Variants in BIRC6 observed in about 807,000 individuals in gnomAD.
BIRC6 encodes the protein dual E2 ubiquitin-conjugating enzyme/E3 ubiquitin-protein ligase BIRC6.
BIRC6 carries 98 observed loss-of-function variants against 503.3 expected under a neutral mutation model. The ratio of observed to expected loss-of-function variants is 0.19; its 90% CI spans 0.17 to 0.23. BIRC6 has a LOEUF of 0.23. BIRC6 is among the 10% of genes least tolerant of loss of function. The pLI is 1.00. For synonymous variants in BIRC6, 2,240 were observed against 2,078.7 expected (o/e 1.08, Z -2.11); for missense variants, 5,360 against 5,806.0 (o/e 0.92, Z 2.50).
chr2:32,488,030 A>G (rs1402613775), intron 41 of BIRC6, among the ~76,000 whole-genome samples: 1 of 43,690 alleles, frequency 2.3e-5, no homozygotes, highest in Non-Finnish European at 4.3e-5. Context: ...CCTACTACAC[A>G]TACACACAGC....
chr2:32,468,625 C>T lies in BIRC6; in HGVS notation c.5969C>T (p.Ala1990Val). Residue 1990 changes from alanine (A) to valine (V), a missense_variant, in exon 29 of 74, where the codon GCA becomes GTA. By Grantham distance (64) the Ala-to-Val change is moderately conservative. Transcript: ENST00000421745. The part of the protein sequence containing the change: ...LQLQLNLAHN[A>V]VQRLKVALGA... ...CTTCAACTAAATTTGGCTCATAATG[C>T]AGTGCAGAGGCTCAAAGTGGCGCTA... 1 of 1,614,004 alleles carries T rather than the reference C, an allele frequency of 6.2e-7. No homozygotes were observed. Among genetic ancestry groups the T allele is most frequent in the Non-Finnish European group, 8.5e-7 (1 of 1,179,876 alleles).
intron 41 of BIRC6, among the ~76,000 whole-genome samples, chr2:32,488,042 G>A (rs1437021747): frequency 0.018 from 2 of 110 alleles, no homozygotes; most frequent in African/African-American, 0.056. Flanking sequence ...ACACACAGCT[G>A]TGATTAGAGA....
chr2:32,357,092 A>T lies in BIRC6; in HGVS notation c.-70A>T, dbSNP rs1345717254. 16 of 1,319,918 alleles carry T rather than the reference A, an allele frequency of 1.2e-5. No individual in the cohort carries two copies. Among genetic ancestry groups the T allele is most frequent in the South Asian group, 1.6e-5 (1 of 63,772 alleles). The allele number at this position is 1,319,918 out of a possible 1,614,324, so 81.8% of individuals were successfully genotyped here. On this transcript the variant is annotated 5_prime_UTR_variant, in exon 1 of 74. Transcript: ENST00000421745. The surrounding 1 kb of genome is among the most constrained non-coding windows in gnomAD (Gnocchi z 4.9). Reference sequence around the variant, plus strand: ...TTTGGCCCCTCCGGCCGGGCGATCGACGTTCCGCGTGCGTGCGGGCGCCTG... The same window carrying T: ...TTTGGCCCCTCCGGCCGGGCGATCGTCGTTCCGCGTGCGTGCGGGCGCCTG...
chr2:32,615,697 C>T (rs990446217), intron 73 of BIRC6, among the ~76,000 whole-genome samples: 8 of 152,130 alleles, frequency 5.3e-5, no homozygotes, highest in African/African-American at 1.4e-4. Context: ...CAGTGCTGTG[C>T]GATCTCAGCT....
At chr2:32,523,229 T>A in intron 57 of BIRC6, 1 of 152,102 alleles carries the variant, frequency 6.6e-6, no homozygotes, top group Middle Eastern at 3.2e-3. Context: ...TATTAAAAAA[T>A]AAAAAAGTAA....
intron 54 of BIRC6, among the ~76,000 whole-genome samples, chr2:32,514,416 C>T (rs114431621): frequency 1.2e-3 from 176 of 152,286 alleles, no homozygotes; most frequent in African/African-American, 4.0e-3. Context: ...ATTTCTTCAC[C>T]ATATTTAGCT....
Position 32,414,864 on chromosome 2 carries a change from G to T in BIRC6, c.1573G>T (p.Ala525Ser). ...QPEKLQWEIV[A>S]NVLEDTVKDL... ...AGAAAAACTTCAGTGGGAGATTGTT[G>T]CAAATGTGCTTGAAGATACTGTTAA... The change falls in exon 10 of 74, where the codon GCA becomes TCA. Residue 525 changes from alanine to serine, a missense_variant. Transcript: ENST00000421745. 6.2e-7 allele frequency: 1 copy of T among 1,613,936 alleles called. No homozygotes were observed. Among genetic ancestry groups the T allele is most frequent in the South Asian group, 1.1e-5 (1 of 91,076 alleles).
chr2:32,387,259 C>A (rs2038599172), intron 3 of BIRC6, among the ~76,000 whole-genome samples: 1 of 149,458 alleles, frequency 6.7e-6, no homozygotes, highest in Non-Finnish European at 1.5e-5. Context: ...AAGCTCTGAT[C>A]TGTGAACAGA....
chr2:32,491,331 G>GA, intron 43 of BIRC6, 94 bp from the exon 44 acceptor site: 1 of 1,248,146 alleles, frequency 8.0e-7, no homozygotes, highest in South Asian at 1.7e-5. Flanking sequence ...AGGAATGTAT[G>GA]AATTTTCCTT....
At chr2:32,482,686 G>A (rs754147492) in intron 39 of BIRC6, 104 bp downstream of exon 39, 64 of 1,253,614 alleles carry the variant, frequency 5.1e-5, no homozygotes, top group Non-Finnish European at 6.9e-5. Context: ...GTATGCCAGT[G>A]GGTTTAGTAT....
intron 62 of BIRC6, 148 bp downstream of exon 62, chr2:32,543,689 A>T (rs2057842557): frequency 2.7e-6 from 2 of 741,700 alleles, no homozygotes; most frequent in Non-Finnish European, 4.3e-6. Context: ...AGTATTAGTT[A>T]TACATAATAA....
intron 23 of BIRC6, among the ~76,000 whole-genome samples, chr2:32,455,977 T>C (rs2047216867): frequency 6.6e-6 from 1 of 152,200 alleles, no homozygotes; most frequent in South Asian, 2.1e-4. Flanking sequence ...AACATGTTAA[T>C]ATTAATATAA....
chr2:32,447,570 C>T (rs2046182214), intron 21 of BIRC6, among the ~76,000 whole-genome samples: 5 of 111,988 alleles, frequency 4.5e-5, no homozygotes, highest in Admixed American at 1.6e-4. Flanking sequence ...AGGCGCCCCT[C>T]ACCTCCCGGA....
chr2:32,392,967 T>C (rs1558604493), intron 5 of BIRC6, among the ~76,000 whole-genome samples: 2 of 152,048 alleles, frequency 1.3e-5, no homozygotes, highest in Admixed American at 6.6e-5. Flanking sequence ...AATCAACAAA[T>C]AGTATTCTTC....
At chr2:32,482,702 C>T (rs2050546615) in intron 39 of BIRC6, 120 bp downstream of exon 39, 1 of 1,035,512 alleles carries the variant, frequency 9.7e-7, no homozygotes, top group South Asian at 1.6e-5. Flanking sequence ...AGTATCACAG[C>T]TGTGCCGTGA....
At chr2:32,498,777 G>C (rs981331486) in intron 45 of BIRC6, among the ~76,000 whole-genome samples, 1 of 151,948 alleles carries the variant, frequency 6.6e-6, no homozygotes, top group African/African-American at 2.4e-5. Context: ...GTAGAGATGG[G>C]GTTTCGCCAT....
chr2:32,545,599 T>C (rs1262893826), intron 62 of BIRC6, 44 bp from the exon 63 acceptor site: 1 of 1,503,854 alleles, frequency 6.6e-7, no homozygotes, highest in East Asian at 2.3e-5. Context: ...CTTATGTGTT[T>C]TTAACTGTTT....
At chr2:32,377,256 C>T (rs1222946281) in intron 1 of BIRC6, among the ~76,000 whole-genome samples, 16 of 144,404 alleles carry the variant, frequency 1.1e-4, no homozygotes, top group Non-Finnish European at 3.0e-5. Flanking sequence ...TGTGTATACA[C>T]ATCATATTTT....
In BIRC6 at chr2:32,503,182, A is replaced by G; in HGVS notation, c.9445A>G (p.Ile3149Val). ...TGTTGACAGCACATTGAAAACAAGA[A>G]TACTAGCTTCTGAGCCTGACAATGC... ...KAVDSTLKTR[I>V]LASEPDNAEG... Residue 3149 changes from isoleucine to valine, a missense_variant, in exon 49 of 74, where the codon ATA becomes GTA. Physicochemically the swap from Ile to Val is conservative, Grantham distance 29. Transcript: ENST00000421745. 6.2e-7 allele frequency: 1 copy of G among 1,613,270 alleles called. No homozygotes were observed. The highest frequency in any genetic ancestry group is 1.1e-5 in the South Asian group (1 of 90,910).
Sources: gnomAD v4.1 joint callset for allele counts (sites outside exome capture counted in the v4.1 genomes callset) on GRCh38, gnomAD v4.1.1 for gene constraint, Gnocchi (gnomAD v3.1) non-coding constraint, MANE v1.5 for transcripts, NCBI Gene and HGNC (gene_info 2026-07-23, HGNC 2026-07-21) for gene names.